Variants in ADGRL2 observed in about 807,000 individuals in gnomAD.
ADGRL2 encodes the protein calcium-independent alpha-latrotoxin receptor 2.
ADGRL2 carries 44 observed loss-of-function variants against 157.4 expected under a neutral mutation model. The observed-to-expected ratio is 0.28, with a 90% confidence interval of 0.22 to 0.36. ADGRL2 has a LOEUF of 0.36. Among genes scored for constraint, ADGRL2 ranks in the 10% least tolerant of loss-of-function variants. ADGRL2 has a pLI of 1.00. For synonymous variants in ADGRL2, 585 were observed against 624.7 expected, an observed-to-expected ratio of 0.94 and a Z score of 0.95; for missense variants, 1,510 against 1,768.9, an observed-to-expected ratio of 0.85 and a Z score of 2.63.
intron 3 of ADGRL2, among the ~76,000 whole-genome samples, chr1:81,647,096 A>G (rs186321366): frequency 6.6e-6 from 1 of 152,362 alleles, no homozygotes; most frequent in East Asian, 1.9e-4. Flanking sequence ...TTCATGCTCA[A>G]TGTAAATTTG....
intron 2 of ADGRL2, among the ~76,000 whole-genome samples, chr1:81,776,605 T>C (rs2086598188): frequency 6.6e-6 from 1 of 152,238 alleles, no homozygotes; most frequent in Admixed American, 6.5e-5. Flanking sequence ...CTTAACATTG[T>C]AATAAATATT....
intron 2 of ADGRL2, among the ~76,000 whole-genome samples, chr1:81,560,139 T>A (rs2080407071): frequency 6.6e-6 from 1 of 152,150 alleles, no homozygotes; most frequent in African/African-American, 2.4e-5. Flanking sequence ...CAGTAGGATG[T>A]TAATAAATGC....
intron 1 of ADGRL2, among the ~76,000 whole-genome samples, chr1:81,362,342 C>A (rs796810143): frequency 1.3e-5 from 2 of 151,726 alleles, no homozygotes; most frequent in African/African-American, 4.8e-5. Context: ...TCCCAAAGAA[C>A]TCTTTTCATT....
At position 81,833,055 on chromosome 1, in the gene ADGRL2, G is replaced by A. The variant is rs948656239; in HGVS notation, c.-100-3830G>A. ...TTGGGTTAGTGTCATCCTTTTTTGT[G>A]TTTGTTTGTTTTGGTAAAATACAGA... On this transcript the variant is annotated intron_variant, in intron 1 of 23. Transcript: ENST00000686636. Among the ~76,000 whole-genome samples the A allele has an allele frequency of 7.9e-5, 12 of 151,978 alleles. 1 individual carries two copies. Among genetic ancestry groups the A allele is most frequent in the African/African-American group, 2.4e-4 (10 of 41,398 alleles).
At chr1:81,541,282 A>G (rs2079876946) in intron 2 of ADGRL2, among the ~76,000 whole-genome samples, 1 of 152,228 alleles carries the variant, frequency 6.6e-6, no homozygotes, top group Non-Finnish European at 1.5e-5. Context: ...CCTGTGCAAG[A>G]ACCAGGATGC....
intron 1 of ADGRL2, among the ~76,000 whole-genome samples, chr1:81,710,444 C>A (rs2083887695): frequency 1.3e-5 from 2 of 151,518 alleles, no homozygotes; most frequent in African/African-American, 4.8e-5. Flanking sequence ...CATGGTGAAA[C>A]CTCATCTGTA....
chr1:81,910,316 A>G (rs190981050), intron 3 of ADGRL2, among the ~76,000 whole-genome samples: 19 of 151,436 alleles, frequency 1.3e-4, no homozygotes, highest in African/African-American at 4.1e-4. Flanking sequence ...AAGTATACGT[A>G]TGTCCTAATA....
Position 81,952,009 on chromosome 1 carries a change from C to G in ADGRL2, c.1661C>G (p.Thr554Ser). 6.2e-7 allele frequency: 1 copy of G among 1,613,302 alleles called. No homozygotes were observed. Among genetic ancestry groups the G allele is most frequent in the Non-Finnish European group, 8.5e-7 (1 of 1,179,466 alleles). Residue 554 changes from threonine (T) to serine (S), a missense_variant, in exon 9 of 24, where the codon ACC becomes AGC. Thr to Ser is a moderately conservative substitution (Grantham distance 58, BLOSUM62 1). This residue lies in a region of ADGRL2 where 325 missense variants were observed against 333.2 expected (regional missense o/e 0.98). Coordinates refer to ENST00000686636, the MANE Select transcript of ADGRL2 (RefSeq NM_001366006.2). Reference protein sequence around the residue: ...ASLANELAKHTKGPVFAGDVS... With the variant: ...ASLANELAKHSKGPVFAGDVS... ...CTTGCCAATGAACTGGCTAAACATA[C>G]CAAAGGGCCAGTGTTTGCTGGGGAT...
chr1:81,502,372 C>T (rs2078872064), intron 2 of ADGRL2: 1 of 1,613,962 alleles, frequency 6.2e-7, no homozygotes. Context: ...CAGATGGAGG[C>T]CGGGGAAGAG....
chr1:81,410,408 C>G (rs956331076), intron 1 of ADGRL2, among the ~76,000 whole-genome samples: 1 of 152,224 alleles, frequency 6.6e-6, no homozygotes, highest in African/African-American at 2.4e-5. Context: ...ACCATTCTTT[C>G]CTTCTTTTAC....
intron 2 of ADGRL2, among the ~76,000 whole-genome samples, chr1:81,553,393 T>A (rs1043785654): frequency 2.0e-5 from 3 of 152,166 alleles, no homozygotes; most frequent in Non-Finnish European, 4.4e-5. Context: ...TATGCAAAAA[T>A]TTTTCACATC....
chr1:81,635,338 C>T (rs1352113366), intron 3 of ADGRL2, among the ~76,000 whole-genome samples: 2 of 152,156 alleles, frequency 1.3e-5, no homozygotes, highest in Non-Finnish European at 2.9e-5. Context: ...AGACGCATGC[C>T]CAGCCTCTTC....
chr1:81,968,242 G>C (rs1171715486), intron 14 of ADGRL2, 43 bp downstream of exon 14: 1 of 1,543,588 alleles, frequency 6.5e-7, no homozygotes, highest in Non-Finnish European at 8.9e-7. Context: ...AAAAACCTCA[G>C]AGATTCAAAA....
At chr1:81,522,474 C>G (rs972326974) in intron 2 of ADGRL2, among the ~76,000 whole-genome samples, 1 of 152,138 alleles carries the variant, frequency 6.6e-6, no homozygotes, top group Non-Finnish European at 1.5e-5. Flanking sequence ...CTCTTCTTCT[C>G]CATTTGGTGA....
At chr1:81,782,978 C>G (rs1292935750) in intron 2 of ADGRL2, among the ~76,000 whole-genome samples, 3 of 152,170 alleles carry the variant, frequency 2.0e-5, no homozygotes, top group Non-Finnish European at 4.4e-5. Context: ...TCTCTCTGGC[C>G]TCATCATCAG....
intron 3 of ADGRL2, among the ~76,000 whole-genome samples, chr1:81,669,909 C>G (rs544607877): frequency 1.9e-3 from 280 of 146,234 alleles, no homozygotes; most frequent in African/African-American, 6.3e-3. Flanking sequence ...AGCCACTGCA[C>G]TCCAGCCTGG....
chr1:81,689,622 C>G (rs2083292960), intron 3 of ADGRL2, among the ~76,000 whole-genome samples: 1 of 152,168 alleles, frequency 6.6e-6, no homozygotes, highest in African/African-American at 2.4e-5. Flanking sequence ...ACACCACACC[C>G]AAACCTGTTT....
intron 2 of ADGRL2, among the ~76,000 whole-genome samples, chr1:81,545,045 A>C (rs2079979917): frequency 6.6e-6 from 1 of 152,154 alleles, no homozygotes; most frequent in Admixed American, 6.6e-5. Context: ...CACCTTTGAG[A>C]TCTTTCTGGT....
intron 3 of ADGRL2, among the ~76,000 whole-genome samples, chr1:81,691,855 T>C (rs2083341201): frequency 6.9e-6 from 1 of 144,650 alleles, no homozygotes; most frequent in African/African-American, 2.5e-5. Context: ...AAATGGCATA[T>C]ATATATATAT....
Sources: allele counts gnomAD v4.1 joint callset (sites outside exome capture counted in the v4.1 genomes callset), GRCh38; gene constraint gnomAD v4.1.1; regional missense constraint gnomAD v4.1.1; transcripts MANE v1.5; gene names NCBI Gene and HGNC (gene_info 2026-07-23, HGNC 2026-07-21).